The following PTPRD variants were observed in gnomAD, a reference collection of about 807,000 sequenced individuals.
The protein encoded by PTPRD is receptor-type tyrosine-protein phosphatase delta.
PTPRD carries 34 observed loss-of-function variants against 214.5 expected under a neutral mutation model. The observed-to-expected ratio is 0.16, with a 90% CI of 0.12 to 0.21. The LOEUF (loss-of-function observed/expected upper bound fraction) is 0.21, where lower values mean the gene tolerates loss of function less well. Ranked by LOEUF, PTPRD falls within the 10% of genes least tolerant of loss-of-function variation. The pLI, the probability that PTPRD is intolerant of heterozygous loss-of-function variation, is 1.00. For synonymous variants in PTPRD, 1,128 were observed against 845.7 expected (o/e 1.33, Z -5.79); for missense variants, 2,545 against 2,398.7 (o/e 1.06, Z -1.27).
intron 11 of PTPRD, among the ~76,000 whole-genome samples, chr9:8,735,026 C>T (rs1022975371): frequency 3.3e-5 from 5 of 151,946 alleles, no homozygotes; most frequent in African/African-American, 4.8e-5. Flanking sequence ...TCAGCATGCA[C>T]GGGGCCCCCT....
rs566558994 is a variant in PTPRD, at chr9:9,598,214, C to T, written c.-286-23433G>A. On this transcript the variant is annotated intron_variant, in intron 7 of 45. Transcript: ENST00000381196. ...AAAGGGGTTGCCAATGAGAAAATAG[C>T]CCTCCTTCCTCAAGGTGGACACAGT... 4.6e-5 allele frequency among the ~76,000 whole-genome samples: 7 copies of T among 152,106 alleles called. No individual in the cohort carries two copies. The South Asian group carries it at 1.5e-3, about 32-fold the overall frequency.
intron 12 of PTPRD, among the ~76,000 whole-genome samples, chr9:8,722,895 G>A (rs1003311336): frequency 2.6e-5 from 4 of 152,106 alleles, no homozygotes; most frequent in South Asian, 2.1e-4. Context: ...AGTCTATATC[G>A]GCTGGTGCAA....
At chr9:10,534,370 T>C (rs2057234485) in intron 2 of PTPRD, among the ~76,000 whole-genome samples, 1 of 152,082 alleles carries the variant, frequency 6.6e-6, no homozygotes, top group Non-Finnish European at 1.5e-5. Flanking sequence ...CATTATTAAC[T>C]TTCATGATAA....
intron 3 of PTPRD, among the ~76,000 whole-genome samples, chr9:10,126,392 A>G (rs1054713472): frequency 4.6e-5 from 7 of 151,320 alleles, no homozygotes; most frequent in African/African-American, 1.5e-4. Flanking sequence ...TTCAGTATTG[A>G]AATTTGATTC....
At chr9:10,001,155 G>T (rs2096301044) in intron 4 of PTPRD, among the ~76,000 whole-genome samples, 1 of 151,814 alleles carries the variant, frequency 6.6e-6, no homozygotes, top group Admixed American at 6.6e-5. Flanking sequence ...ATCTAAATTG[G>T]CGTGAGACCA....
chr9:10,232,511 T>C (rs1449048974), intron 3 of PTPRD, among the ~76,000 whole-genome samples: 8 of 151,954 alleles, frequency 5.3e-5, no homozygotes, highest in Admixed American at 5.3e-4. Context: ...CTAAATCGAT[T>C]TGTATCATAT....
At chr9:8,500,319 C>A (rs992228017) in intron 24 of PTPRD, among the ~76,000 whole-genome samples, 5 of 150,174 alleles carry the variant, frequency 3.3e-5, no homozygotes, top group Non-Finnish European at 5.9e-5. Context: ...ACAAAAGATG[C>A]CAAAAATTCA....
chr9:10,039,644 A>G (rs1309421027), intron 3 of PTPRD, among the ~76,000 whole-genome samples: 2 of 152,016 alleles, frequency 1.3e-5, no homozygotes, highest in Non-Finnish European at 2.9e-5. Flanking sequence ...AAGGAAAGTC[A>G]CTAAGTATGG....
intron 11 of PTPRD, among the ~76,000 whole-genome samples, chr9:8,759,625 T>C (rs72702328): frequency 6.7e-5 from 10 of 150,340 alleles, no homozygotes; most frequent in South Asian, 2.1e-4. Flanking sequence ...CTTTTTTTTT[T>C]TTTTTTGTCC....
At position 8,339,105 on chromosome 9, in the gene PTPRD, T is replaced by A. The variant is rs1031932580; in HGVS notation, c.5254-58A>T. On this transcript the variant is annotated intron_variant, in intron 42 of 45. Coordinates refer to ENST00000381196, the MANE Select transcript of PTPRD (RefSeq NM_002839.4). The stretch of plus-strand genomic sequence containing the variant: ...CAAAGTATAAAGAACATTCTGTATA[T>A]TATCTATCTATCTATCTAATCTATC... 1.4e-5 allele frequency: 21 copies of A among 1,498,584 alleles called. No homozygotes were observed. In the African/African-American group the frequency reaches 2.8e-4, roughly 20 times the overall value. 92.8% of individuals were successfully genotyped at this position (1,498,584 alleles called of 1,614,324 possible).
chr9:9,749,208 A>G (rs2098489382), intron 6 of PTPRD, among the ~76,000 whole-genome samples: 1 of 152,070 alleles, frequency 6.6e-6, no homozygotes, highest in Admixed American at 6.6e-5. Flanking sequence ...GTCAATTTCT[A>G]TGCTGTCATG....
At chr9:8,757,868 T>C (rs1046160895) in intron 11 of PTPRD, among the ~76,000 whole-genome samples, 1 of 152,154 alleles carries the variant, frequency 6.6e-6, no homozygotes, top group African/African-American at 2.4e-5. Flanking sequence ...GCATGAGACA[T>C]TTCTGATTTC....
At chr9:9,904,547 A>G (rs2153814954) in intron 5 of PTPRD, among the ~76,000 whole-genome samples, 1 of 152,226 alleles carries the variant, frequency 6.6e-6, no homozygotes, top group South Asian at 2.1e-4. Flanking sequence ...GTATCACTAA[A>G]AATGGCCACA....
chr9:8,408,070 T>G, intron 35 of PTPRD, among the ~76,000 whole-genome samples: 1 of 152,190 alleles, frequency 6.6e-6, no homozygotes, highest in South Asian at 2.1e-4. Flanking sequence ...CAGACACAGT[T>G]GCTTTGCCTC....
At chr9:10,151,763 C>G (rs987932993) in intron 3 of PTPRD, among the ~76,000 whole-genome samples, 4 of 152,116 alleles carry the variant, frequency 2.6e-5, no homozygotes, top group Admixed American at 1.3e-4. Context: ...GACCTTTCTT[C>G]ACCTCTAAGC....
intron 2 of PTPRD, among the ~76,000 whole-genome samples, chr9:10,350,734 A>T (rs760495505): frequency 6.6e-6 from 1 of 152,140 alleles, no homozygotes; most frequent in Non-Finnish European, 1.5e-5. Context: ...TCAAAACAAT[A>T]ATTAGGATTA....
intron 2 of PTPRD, among the ~76,000 whole-genome samples, chr9:10,466,673 G>A (rs1018403156): frequency 4.1e-5 from 6 of 145,066 alleles, no homozygotes; most frequent in South Asian, 2.2e-4. Flanking sequence ...TTATAACAAC[G>A]TGTATAGCTC....
intron 10 of PTPRD, among the ~76,000 whole-genome samples, chr9:9,100,816 CT>C (rs1569541799): frequency 6.6e-6 from 1 of 151,882 alleles, no homozygotes; most frequent in African/African-American, 2.4e-5. Context: ...TATATAGTAC[CT>C]AATTTTAAGG....
intron 9 of PTPRD, among the ~76,000 whole-genome samples, chr9:9,269,329 T>C (rs1371870157): frequency 2.0e-5 from 3 of 151,318 alleles, no homozygotes; most frequent in African/African-American, 4.8e-5. Flanking sequence ...CCCGTTAGGA[T>C]GGCCATTAGC....
Sources: gnomAD v4.1 joint callset for allele counts (sites outside exome capture counted in the v4.1 genomes callset) on GRCh38, gnomAD v4.1.1 for gene constraint, MANE v1.5 for transcripts, NCBI Gene and HGNC (gene_info 2026-07-23, HGNC 2026-07-21) for gene names.